The following EIF2B3 variants were observed in gnomAD, a reference collection of about 807,000 sequenced individuals.
The protein encoded by EIF2B3 is translation initiation factor eIF2B subunit gamma.
Under a neutral mutation model 54.1 loss-of-function variants are expected in EIF2B3, and 20 were observed. That is an observed-to-expected ratio of 0.37 (90% CI 0.26 to 0.54). The LOEUF is 0.54. Ranked by LOEUF, EIF2B3 falls within the 20% of genes least tolerant of loss-of-function variation. The pLI, the probability that EIF2B3 is intolerant of heterozygous loss-of-function variation, is 0.86. For missense variants in EIF2B3, 448 were observed against 547.8 expected (o/e 0.82, Z 1.82); for synonymous variants, 153 against 188.1 (o/e 0.81, Z 1.52).
At chr1:44,893,215 C>T (rs1655858517) in intron 6 of EIF2B3, among the ~76,000 whole-genome samples, 1 of 152,172 alleles carries the variant, frequency 6.6e-6, no homozygotes. Flanking sequence ...AGGTATATGC[C>T]ATCATGCCCA....
chr1:44,980,107 G>A (rs1426915738), intron 2 of EIF2B3, among the ~76,000 whole-genome samples: 2 of 152,196 alleles, frequency 1.3e-5, no homozygotes, highest in South Asian at 2.1e-4. Context: ...TCTAAATATA[G>A]GACACCTCAA....
chr1:44,945,339 C>T (rs989756652), intron 3 of EIF2B3, among the ~76,000 whole-genome samples: 14 of 151,482 alleles, frequency 9.2e-5, no homozygotes, highest in African/African-American at 2.9e-4. Flanking sequence ...TGGATCACAA[C>T]GTCAGGAGAT....
At chr1:44,914,890 C>T (rs899316467) in intron 5 of EIF2B3, among the ~76,000 whole-genome samples, 5 of 152,060 alleles carry the variant, frequency 3.3e-5, no homozygotes, top group South Asian at 2.1e-4. Context: ...CGGTTTCAAC[C>T]GTGTTAGCCA....
chr1:44,892,562 C>T (rs188454863), intron 6 of EIF2B3, among the ~76,000 whole-genome samples: 1 of 151,212 alleles, frequency 6.6e-6, no homozygotes, highest in East Asian at 1.9e-4. Context: ...TCCAGCCTGG[C>T]GAAAGAGCAA....
At chr1:44,957,841 G>C (rs897302744) in intron 3 of EIF2B3, among the ~76,000 whole-genome samples, 1 of 152,182 alleles carries the variant, frequency 6.6e-6, no homozygotes, top group Non-Finnish European at 1.5e-5. Context: ...GTGAGTCCAT[G>C]TGGAAATAAA....
chr1:44,932,686 C>T (rs770239638), intron 4 of EIF2B3, among the ~76,000 whole-genome samples: 6 of 151,992 alleles, frequency 3.9e-5, no homozygotes, highest in Non-Finnish European at 5.9e-5. Flanking sequence ...TGCAAAGAAT[C>T]AAGAATCAGA....
chr1:44,916,985 T>C (rs754877214), intron 5 of EIF2B3, among the ~76,000 whole-genome samples: 11 of 152,110 alleles, frequency 7.2e-5, no homozygotes, highest in Non-Finnish European at 1.3e-4. Context: ...TATTCTCGAG[T>C]TCCACTTGCT....
At chr1:44,966,212 G>A (rs1200802482) in intron 3 of EIF2B3, among the ~76,000 whole-genome samples, 2 of 152,048 alleles carry the variant, frequency 1.3e-5, no homozygotes, top group African/African-American at 4.8e-5. Context: ...GGCTGAGGAA[G>A]GAGGATCACA....
intron 5 of EIF2B3, among the ~76,000 whole-genome samples, chr1:44,916,931 CT>C (rs1441176554): frequency 6.6e-6 from 1 of 151,682 alleles, no homozygotes; most frequent in African/African-American, 2.4e-5. Context: ...TTATAATATT[CT>C]TTTTTTTCTG....
intron 8 of EIF2B3, among the ~76,000 whole-genome samples, chr1:44,877,212 A>AAAAAAAAAAAAAAAAAC: frequency 6.8e-6 from 1 of 148,052 alleles, no homozygotes; most frequent in Non-Finnish European, 1.5e-5. Flanking sequence ...AAAAAAAAAA[A>AAAAAAAAAAAAAAAAAC]AAAAAAAAAA....
At chr1:44,983,125 C>T (rs932625305) in intron 1 of EIF2B3, among the ~76,000 whole-genome samples, 3 of 151,860 alleles carry the variant, frequency 2.0e-5, no homozygotes, top group Non-Finnish European at 4.4e-5. Flanking sequence ...ACTATGCTGC[C>T]CAGGCTGGTC....
At chr1:44,883,830 G>C (rs1655490699) in intron 6 of EIF2B3, among the ~76,000 whole-genome samples, 1 of 152,162 alleles carries the variant, frequency 6.6e-6, no homozygotes, top group Non-Finnish European at 1.5e-5. Flanking sequence ...AGTCTGGACT[G>C]AGAAGCCAGT....
At chr1:44,863,880 A>G (rs1273134794) in intron 10 of EIF2B3, among the ~76,000 whole-genome samples, 3 of 152,210 alleles carry the variant, frequency 2.0e-5, no homozygotes, top group Admixed American at 6.6e-5. Flanking sequence ...AATGATATAT[A>G]TAATACTTGA....
chr1:44,875,544 TC>T, intron 9 of EIF2B3, 73 bp downstream of exon 9: 1 of 1,442,506 alleles, frequency 6.9e-7, no homozygotes, highest in Non-Finnish European at 9.8e-7. Context: ...AAGGCCTCAA[TC>T]CGGCTTCTCA....
intron 11 of EIF2B3, among the ~76,000 whole-genome samples, chr1:44,851,209 C>G: frequency 6.6e-6 from 1 of 152,070 alleles, no homozygotes; most frequent in South Asian, 2.1e-4. Flanking sequence ...GGATTACAGG[C>G]GCCCGCCACC....
chr1:44,939,267 T>A (rs893925434), intron 4 of EIF2B3, among the ~76,000 whole-genome samples: 2 of 152,170 alleles, frequency 1.3e-5, no homozygotes, highest in South Asian at 4.1e-4. Context: ...TCTCCAGTCC[T>A]ATCTGCTTCT....
chr1:44,915,199 C>T (rs1376103285), intron 5 of EIF2B3, among the ~76,000 whole-genome samples: 4 of 151,014 alleles, frequency 2.6e-5, no homozygotes, highest in Admixed American at 2.0e-4. Flanking sequence ...ACTTGGGAGG[C>T]TGAGGCAGGA....
At chr1:44,885,811 T>TGG (rs1655560109) in intron 6 of EIF2B3, among the ~76,000 whole-genome samples, 1 of 152,026 alleles carries the variant, frequency 6.6e-6, no homozygotes, top group South Asian at 2.1e-4. Flanking sequence ...CCTGGCTCAC[T>TGG]GCAACCTCCG....
At chr1:44,949,546 A>T (rs926776009) in intron 3 of EIF2B3, among the ~76,000 whole-genome samples, 1 of 152,242 alleles carries the variant, frequency 6.6e-6, no homozygotes, top group Non-Finnish European at 1.5e-5. Context: ...GTTTAGAAAC[A>T]GTATACATTC....
Sources: allele counts gnomAD v4.1 joint callset (sites outside exome capture counted in the v4.1 genomes callset), GRCh38; gene constraint gnomAD v4.1.1; transcripts MANE v1.5; gene names NCBI Gene and HGNC (gene_info 2026-07-23, HGNC 2026-07-21).